Variants in EPHA5 observed in about 807,000 individuals in gnomAD.
EPHA5 encodes the protein ephrin type-A receptor 5.
EPHA5 carries 60 observed loss-of-function variants against 105.0 expected under a neutral mutation model. That is an observed-to-expected ratio of 0.57 (90% confidence interval 0.46 to 0.71). EPHA5 has a LOEUF of 0.71. Among genes scored for constraint, EPHA5 ranks in the 30% least tolerant of loss-of-function variants. The probability of loss-of-function intolerance (pLI) is 0.00; values close to 1 mark genes in which losing one functional copy is unlikely to be tolerated. For synonymous variants in EPHA5, 513 were observed against 449.1 expected (o/e 1.14, Z -1.80); for missense variants, 1,218 against 1,274.7 (o/e 0.96, Z 0.68).
In EPHA5 at chr4:65,573,533, C is replaced by T; in HGVS notation, c.910+28108G>A. ...AAGCCAAGAAGACTGATGCTGGTGGCAAGGTGAAAAAGGGTAACCTCAAAG... is the reference window on the plus strand; with the variant it reads ...AAGCCAAGAAGACTGATGCTGGTGGTAAGGTGAAAAAGGGTAACCTCAAAG... On this transcript the variant is annotated intron_variant, in intron 3 of 16. Transcript: ENST00000613740. 6.3e-6 allele frequency: 10 copies of T among 1,597,374 alleles called. No individual in the cohort carries two copies. In the South Asian group the frequency reaches 1.1e-4, roughly 18 times the overall value.
chr4:65,432,847 A>G (rs1725108285), intron 5 of EPHA5, among the ~76,000 whole-genome samples: 1 of 151,316 alleles, frequency 6.6e-6, no homozygotes, highest in African/African-American at 2.4e-5. Flanking sequence ...ATATAAATTA[A>G]TAAAGTATAT....
At chr4:65,493,582 TAA>T (rs1404436731) in intron 4 of EPHA5, among the ~76,000 whole-genome samples, 1 of 152,166 alleles carries the variant, frequency 6.6e-6, no homozygotes, top group Non-Finnish European at 1.5e-5. Context: ...ATCTTATACA[TAA>T]GTCCTAATTT....
chr4:65,573,410 C>CA (rs71657188), intron 3 of EPHA5: 26,750 of 641,676 alleles, frequency 0.042, 167 homozygotes, highest in Non-Finnish European at 0.045. Flanking sequence ...GACTCCGTCT[C>CA]AAAAAAAAAA....
chr4:65,616,285 G>A (rs1462601592), intron 2 of EPHA5, among the ~76,000 whole-genome samples: 1 of 151,914 alleles, frequency 6.6e-6, no homozygotes, highest in Non-Finnish European at 1.5e-5. Context: ...ATCTGCGGAT[G>A]AGGGAAGAAG....
intron 8 of EPHA5, among the ~76,000 whole-genome samples, chr4:65,369,783 A>G (rs543741962): frequency 1.3e-5 from 2 of 152,222 alleles, no homozygotes; most frequent in East Asian, 3.9e-4. Context: ...CCTGGCCAAC[A>G]CAGTGAAACC....
intron 3 of EPHA5, among the ~76,000 whole-genome samples, chr4:65,576,901 A>T (rs1333829898): frequency 6.6e-6 from 1 of 152,184 alleles, no homozygotes; most frequent in Non-Finnish European, 1.5e-5. Flanking sequence ...GCAAATGCTC[A>T]GTCCCTTGGT....
chr4:65,474,838 T>A lies in EPHA5; in HGVS notation c.1402+15539A>T, dbSNP rs28564895. ...TTACTCATTTCATTTTATGTTAATATATCATTTAACAATAGGTCTTCATCA... is the reference window on the plus strand; with the variant it reads ...TTACTCATTTCATTTTATGTTAATAAATCATTTAACAATAGGTCTTCATCA... On this transcript the variant is annotated intron_variant, in intron 5 of 16. Coordinates refer to ENST00000613740, the MANE Select transcript of EPHA5 (RefSeq NM_001281766.3). Among the ~76,000 whole-genome samples the A allele has an allele frequency of 7.4e-3, 1,124 of 152,328 alleles. 15 individuals are homozygous for A. The highest frequency in any genetic ancestry group is 0.026 in the African/African-American group (1,082 of 41,584).
intron 3 of EPHA5, among the ~76,000 whole-genome samples, chr4:65,542,720 A>G (rs1736963764): frequency 6.6e-6 from 1 of 151,916 alleles, no homozygotes; most frequent in South Asian, 2.1e-4. Context: ...AACTCATTTT[A>G]TGGGGCCAGC....
At chr4:65,453,615 T>C (rs933152891) in intron 5 of EPHA5, among the ~76,000 whole-genome samples, 31 of 152,128 alleles carry the variant, frequency 2.0e-4, no homozygotes, top group Non-Finnish European at 4.3e-4. Context: ...ATTCAGCTGG[T>C]AAGGGAAGAA....
intron 7 of EPHA5, 25 bp from the exon 8 acceptor site, chr4:65,404,504 G>A (rs1336277189): frequency 2.5e-6 from 4 of 1,604,276 alleles, no homozygotes; most frequent in Non-Finnish European, 3.4e-6. Flanking sequence ...AGAAAATGGA[G>A]CTTGTGGTTA....
intron 2 of EPHA5, among the ~76,000 whole-genome samples, chr4:65,604,809 CTT>C (rs532036771): frequency 1.3e-5 from 2 of 151,386 alleles, no homozygotes; most frequent in South Asian, 4.2e-4. Context: ...TTCCTAGACA[CTT>C]TTACAAATGT....
chr4:65,523,616 G>A (rs961784789), intron 3 of EPHA5, among the ~76,000 whole-genome samples: 9 of 151,912 alleles, frequency 5.9e-5, no homozygotes, highest in Admixed American at 4.6e-4. Flanking sequence ...ATGTTCTATG[G>A]TATTTTCCTT....
chr4:65,604,101 A>AT (rs1366053420), intron 2 of EPHA5, among the ~76,000 whole-genome samples: 1 of 4,268 alleles, frequency 2.3e-4, no homozygotes, highest in African/African-American at 4.1e-4. Flanking sequence ...AAATATGTAT[A>AT]TTTTTTGCCT....
chr4:65,635,961 T>C (rs1468293026), intron 2 of EPHA5, among the ~76,000 whole-genome samples: 2 of 152,128 alleles, frequency 1.3e-5, no homozygotes, highest in Admixed American at 6.6e-5. Context: ...CAGAGTCTAT[T>C]GGGTTTACTA....
intron 3 of EPHA5, among the ~76,000 whole-genome samples, chr4:65,564,373 T>C (rs1310954623): frequency 6.6e-6 from 1 of 151,864 alleles, no homozygotes; most frequent in Non-Finnish European, 1.5e-5. Context: ...TTGCTAGAAA[T>C]TTAAATATTA....
intron 1 of EPHA5, among the ~76,000 whole-genome samples, chr4:65,646,302 C>CG (rs1748107552): frequency 6.6e-6 from 1 of 152,124 alleles, no homozygotes; most frequent in South Asian, 2.1e-4. Flanking sequence ...CGCCTATGAA[C>CG]CTAGCCTCAG....
intron 5 of EPHA5, among the ~76,000 whole-genome samples, chr4:65,486,901 G>A (rs1338811963): frequency 6.6e-6 from 1 of 152,184 alleles, no homozygotes; most frequent in Non-Finnish European, 1.5e-5. Context: ...CTGGATCATG[G>A]GGGCAGTTTC....
intron 5 of EPHA5, among the ~76,000 whole-genome samples, chr4:65,452,427 G>C (rs918819135): frequency 4.6e-5 from 7 of 152,032 alleles, no homozygotes; most frequent in African/African-American, 1.7e-4. Flanking sequence ...GCTGAGATAT[G>C]TTAGAAAACT....
rs1750353338 is a variant in EPHA5, at chr4:65,670,369, G to A, written c.-627C>T. 2 of 233,808 alleles carry A rather than the reference G, an allele frequency of 8.6e-6. No homozygotes were observed. The highest frequency in any genetic ancestry group is 2.2e-5 in the African/African-American group (1 of 45,490). 14.5% of individuals were successfully genotyped at this position (233,808 alleles called of 1,614,324 possible). On this transcript the variant is annotated 5_prime_UTR_variant, in exon 1 of 17. Transcript: ENST00000613740. ...CTGACGGCTGCCGGCCGGTAGGAGCGCGGAGCTGCGCTGCGGCGGCCCAGG... is the reference window on the plus strand; with the variant it reads ...CTGACGGCTGCCGGCCGGTAGGAGCACGGAGCTGCGCTGCGGCGGCCCAGG...
Sources: gnomAD v4.1 joint callset for allele counts (sites outside exome capture counted in the v4.1 genomes callset) on GRCh38, gnomAD v4.1.1 for gene constraint, MANE v1.5 for transcripts, NCBI Gene and HGNC (gene_info 2026-07-23, HGNC 2026-07-21) for gene names.